The following CDKAL1 variants were observed in gnomAD, a reference collection of about 807,000 sequenced individuals.
CDKAL1 encodes threonylcarbamoyladenosine tRNA methylthiotransferase.
CDKAL1 carries 32 observed loss-of-function variants against 68.2 expected under a neutral mutation model. The ratio of observed to expected loss-of-function variants is 0.47; its 90% confidence interval spans 0.35 to 0.63. The LOEUF is 0.63. Ranked by LOEUF, CDKAL1 falls within the 30% of genes least tolerant of loss-of-function variation. The pLI is 0.00. For synonymous variants in CDKAL1, 234 were observed against 244.3 expected (o/e 0.96, Z 0.39); for missense variants, 606 against 696.7 (o/e 0.87, Z 1.47).
At chr6:20,729,142 A>G (rs1772789385) in intron 5 of CDKAL1, among the ~76,000 whole-genome samples, 1 of 152,212 alleles carries the variant, frequency 6.6e-6, no homozygotes. Flanking sequence ...TTCCTATCCA[A>G]GAGAAACTCC....
intron 13 of CDKAL1, among the ~76,000 whole-genome samples, chr6:21,135,463 T>C (rs186647462): frequency 5.3e-5 from 8 of 152,310 alleles, no homozygotes; most frequent in African/African-American, 1.9e-4. Flanking sequence ...TCCTCCCATG[T>C]CACAGTAAAT....
intron 5 of CDKAL1, among the ~76,000 whole-genome samples, chr6:20,726,937 C>G (rs1772682892): frequency 6.6e-6 from 1 of 152,158 alleles, no homozygotes; most frequent in Non-Finnish European, 1.5e-5. Context: ...CACACAAAGA[C>G]TTTGTGCAGC....
At chr6:20,804,839 C>T (rs569267105) in intron 8 of CDKAL1, among the ~76,000 whole-genome samples, 30 of 152,156 alleles carry the variant, frequency 2.0e-4, no homozygotes, top group African/African-American at 7.2e-4. Context: ...ATTTTTCCTG[C>T]CTGGAGTACA....
At chr6:20,884,492 C>T (rs1014237464) in intron 9 of CDKAL1, among the ~76,000 whole-genome samples, 2 of 152,114 alleles carry the variant, frequency 1.3e-5, no homozygotes, top group East Asian at 1.9e-4. Context: ...ACGTTGTACT[C>T]GAATTCCCAA....
chr6:21,068,111 C>T (rs1350488651), intron 12 of CDKAL1, among the ~76,000 whole-genome samples: 4 of 152,156 alleles, frequency 2.6e-5, no homozygotes, highest in African/African-American at 9.7e-5. Context: ...CGTATTCTGG[C>T]TACAGCTCCT....
intron 4 of CDKAL1, among the ~76,000 whole-genome samples, chr6:20,565,222 A>G (rs1247875623): frequency 2.0e-5 from 3 of 152,142 alleles, no homozygotes; most frequent in East Asian, 1.9e-4. Flanking sequence ...TTCCATTACT[A>G]TTATAAAATG....
At chr6:20,805,696 A>G (rs1776543652) in intron 8 of CDKAL1, among the ~76,000 whole-genome samples, 3 of 152,228 alleles carry the variant, frequency 2.0e-5, no homozygotes, top group Non-Finnish European at 4.4e-5. Flanking sequence ...AAAATGGAAA[A>G]TCTATTCTCA....
intron 4 of CDKAL1, among the ~76,000 whole-genome samples, chr6:20,551,369 TC>T (rs1344333677): frequency 6.9e-6 from 1 of 145,784 alleles, no homozygotes; most frequent in Non-Finnish European, 1.5e-5. Context: ...AACTAAAATA[TC>T]TTTTTTTTTT....
At chr6:20,767,827 A>G (rs1404121699) in intron 7 of CDKAL1, among the ~76,000 whole-genome samples, 2 of 152,166 alleles carry the variant, frequency 1.3e-5, no homozygotes, top group Admixed American at 6.5e-5. Context: ...TATACAGCAG[A>G]GATGTAGCAA....
chr6:21,032,797 G>A (rs1769368143), intron 11 of CDKAL1, among the ~76,000 whole-genome samples: 1 of 152,152 alleles, frequency 6.6e-6, no homozygotes, highest in Non-Finnish European at 1.5e-5. Context: ...TACACTCTGT[G>A]ATGTTCGCAC....
At chr6:20,732,798 T>C (rs559819396) in intron 5 of CDKAL1, among the ~76,000 whole-genome samples, 2 of 152,316 alleles carry the variant, frequency 1.3e-5, no homozygotes, top group African/African-American at 4.8e-5. Flanking sequence ...TTTTCCGCCC[T>C]TCATTTTTCC....
At chr6:21,222,730 G>C (rs1288640251) in intron 15 of CDKAL1, among the ~76,000 whole-genome samples, 1 of 152,192 alleles carries the variant, frequency 6.6e-6, no homozygotes, top group African/African-American at 2.4e-5. Context: ...TCAAGGAAGG[G>C]AGCTGGCATG....
chr6:20,654,831 C>T (rs1413156737), intron 5 of CDKAL1, among the ~76,000 whole-genome samples: 1 of 152,096 alleles, frequency 6.6e-6, no homozygotes, highest in Non-Finnish European at 1.5e-5. Flanking sequence ...TATTCTGGTT[C>T]TTGTTCTACA....
chr6:20,969,591 T>C (rs1765491888), intron 10 of CDKAL1, among the ~76,000 whole-genome samples: 1 of 152,222 alleles, frequency 6.6e-6, no homozygotes, highest in Non-Finnish European at 1.5e-5. Context: ...CAGTGAAATC[T>C]CTACCCACTT....
chr6:20,834,979 C>T (rs926439833), intron 8 of CDKAL1, among the ~76,000 whole-genome samples: 1 of 152,156 alleles, frequency 6.6e-6, no homozygotes, highest in Non-Finnish European at 1.5e-5. Context: ...GTGCTATTGA[C>T]ACACTGTGTA....
chr6:20,919,433 C>T (rs956726480), intron 9 of CDKAL1, among the ~76,000 whole-genome samples: 7 of 152,112 alleles, frequency 4.6e-5, no homozygotes, highest in Admixed American at 6.5e-5. Context: ...GCAGAACATG[C>T]AGTTTTGTTA....
intron 7 of CDKAL1, among the ~76,000 whole-genome samples, chr6:20,766,428 C>T (rs1232567009): frequency 6.6e-6 from 1 of 152,164 alleles, no homozygotes. Context: ...AAGGAAATTA[C>T]TTTAGGCTTG....
chr6:20,650,581 G>T (rs1309531178), intron 5 of CDKAL1, among the ~76,000 whole-genome samples: 2 of 152,016 alleles, frequency 1.3e-5, no homozygotes, highest in African/African-American at 2.4e-5. Context: ...GTCAATTTTT[G>T]CTTTTGTCGA....
chr6:21,218,941 G>A (rs537643303), intron 15 of CDKAL1, among the ~76,000 whole-genome samples: 1 of 152,248 alleles, frequency 6.6e-6, no homozygotes, highest in South Asian at 2.1e-4. Flanking sequence ...AAGTAATTAA[G>A]TTTTTTAATA....
Sources: allele counts gnomAD v4.1 joint callset (sites outside exome capture counted in the v4.1 genomes callset), GRCh38; gene constraint gnomAD v4.1.1; transcripts MANE v1.5; gene names NCBI Gene and HGNC (gene_info 2026-07-23, HGNC 2026-07-21).